Variants in NMT2 observed in about 807,000 individuals in gnomAD.
NMT2 encodes glycylpeptide N-tetradecanoyltransferase 2.
In NMT2, 35 loss-of-function variants were observed where a neutral mutation model predicts 65.4. That is an observed-to-expected ratio of 0.54 (90% confidence interval 0.41 to 0.71). The LOEUF (loss-of-function observed/expected upper bound fraction) is 0.71, where lower values mean the gene tolerates loss of function less well. Ranked by LOEUF, NMT2 falls within the 30% of genes least tolerant of loss-of-function variation. The pLI is 0.00. For missense variants in NMT2, 489 were observed against 611.3 expected (o/e 0.80, Z 2.11); for synonymous variants, 226 against 231.8 (o/e 0.98, Z 0.23).
intron 1 of NMT2, among the ~76,000 whole-genome samples, chr10:15,159,670 C>T (rs1201645172): frequency 6.6e-6 from 1 of 152,294 alleles, no homozygotes; most frequent in Non-Finnish European, 1.5e-5. Flanking sequence ...TCAGGTGATC[C>T]ACCCGCCTCG....
At chr10:15,160,271 A>C (rs1833143547) in intron 1 of NMT2, among the ~76,000 whole-genome samples, 1 of 152,138 alleles carries the variant, frequency 6.6e-6, no homozygotes, top group Non-Finnish European at 1.5e-5. Context: ...TCCTGGGAGG[A>C]GGGTGGTGAG....
At chr10:15,136,933 T>C (rs1212059363) in intron 2 of NMT2, among the ~76,000 whole-genome samples, 1 of 152,100 alleles carries the variant, frequency 6.6e-6, no homozygotes, top group African/African-American at 2.4e-5. Flanking sequence ...AATCAATGAC[T>C]TTTTTCAATA....
At chr10:15,114,306 C>T (rs1845671714) in intron 9 of NMT2, among the ~76,000 whole-genome samples, 1 of 152,194 alleles carries the variant, frequency 6.6e-6, no homozygotes, top group Non-Finnish European at 1.5e-5. Flanking sequence ...AAAACTACTT[C>T]TTCACATTCA....
rs1845392849 is a variant in NMT2 at position 15,108,484 on chromosome 10, C to T, written c.*711G>A. The T allele has an allele frequency of 1.0e-6, 1 of 985,406 alleles. No individual in the cohort carries two copies. The highest frequency in any genetic ancestry group is 1.2e-6 in the Non-Finnish European group (1 of 830,016). The allele number at this position is 985,406 out of a possible 1,614,324, so 61.0% of individuals were successfully genotyped here. ...ACAGGCGTGAGCCACCACGCCCGGCCTCAGGCTCTTTCAGAGAGCACAGTG... is the reference window on the plus strand; with the variant it reads ...ACAGGCGTGAGCCACCACGCCCGGCTTCAGGCTCTTTCAGAGAGCACAGTG... On this transcript the variant is annotated 3_prime_UTR_variant, in exon 12 of 12. Transcript: ENST00000378165.
chr10:15,140,992 G>A lies in NMT2; in HGVS notation c.246+430C>T, dbSNP rs184655109. The A allele has an allele frequency of 2.2e-4, 336 of 1,550,808 alleles. 4 individuals carry two copies. In the East Asian group the frequency reaches 6.8e-3, roughly 31 times the overall value. ...AAAGTCAACGAGAGACTTACCCATG[G>A]CTGCTCCCGCTGAAATCTGCTGCCA... is the stretch of plus-strand genomic sequence containing the variant. On this transcript the variant is annotated intron_variant, in intron 2 of 11. Transcript: ENST00000378165.
intron 10 of NMT2, among the ~76,000 whole-genome samples, chr10:15,112,216 ATTTTTTTTTTTTTTTTTTTTTTTTTTT>A (rs869310724): frequency 8.2e-5 from 1 of 12,256 alleles, no homozygotes; most frequent in Non-Finnish European, 1.4e-4. Context: ...ATATATATAT[ATTTTTTTTTTTTTTTTTTTTTTTTTTT>A]TTTTTTTTGA....
chr10:15,130,728 GAAAAGAAAGA>G (rs1846253081), intron 6 of NMT2, among the ~76,000 whole-genome samples: 2 of 93,170 alleles, frequency 2.1e-5, no homozygotes, highest in African/African-American at 8.5e-5. Context: ...AAAAAAAAAA[GAAAAGAAAGA>G]AAAAGAAAAA....
chr10:15,138,207 C>T (rs1040930473), intron 2 of NMT2, among the ~76,000 whole-genome samples: 4 of 152,024 alleles, frequency 2.6e-5, no homozygotes, highest in African/African-American at 9.7e-5. Flanking sequence ...GACAGGGTTT[C>T]ACCATGTCGG....
chr10:15,134,598 G>T (rs1208326222), intron 3 of NMT2, among the ~76,000 whole-genome samples: 1 of 152,100 alleles, frequency 6.6e-6, no homozygotes, highest in Non-Finnish European at 1.5e-5. Context: ...ACTATGCCTG[G>T]CATTTAATAA....
chr10:15,110,233 A>G (rs771002063), intron 10 of NMT2, among the ~76,000 whole-genome samples: 1 of 151,394 alleles, frequency 6.6e-6, no homozygotes, highest in Non-Finnish European at 1.5e-5. Context: ...AGATTGTGCC[A>G]CGGCACTCCA....
intron 1 of NMT2, among the ~76,000 whole-genome samples, chr10:15,143,792 C>T (rs1846860480): frequency 1.3e-5 from 2 of 152,078 alleles, no homozygotes; most frequent in Non-Finnish European, 2.9e-5. Flanking sequence ...GCCTGGGAGG[C>T]TGCAGTGAGC....
Position 15,115,660 on chromosome 10 carries a change from G to C in NMT2, c.1171-2697C>G, listed in dbSNP as rs543350632. On this transcript the variant is annotated intron_variant, in intron 9 of 11. Transcript: ENST00000378165. ...ACCAATCAAAAGAAACATCAGTAGT[G>C]TGGGTAAAGAAACATGACCCAGCTA... is the stretch of plus-strand genomic sequence containing the variant. Among the ~76,000 whole-genome samples the C allele has an allele frequency of 4.6e-5, 7 of 152,286 alleles. No individual in the cohort carries two copies. The East Asian group carries it at 1.2e-3, about 25-fold the overall frequency.
chr10:15,138,004 C>CT (rs374744946), intron 2 of NMT2, among the ~76,000 whole-genome samples: 22,415 of 127,904 alleles, frequency 0.18, 1,849 homozygotes, highest in Non-Finnish European at 0.21. Context: ...TCTTCTTCTT[C>CT]TTTTTTTTTT....
chr10:15,160,849 G>A (rs1833164043), intron 1 of NMT2, among the ~76,000 whole-genome samples: 1 of 151,416 alleles, frequency 6.6e-6, no homozygotes, highest in South Asian at 2.1e-4. Context: ...AGAACAACAG[G>A]GAAAAAATGC....
intron 9 of NMT2, among the ~76,000 whole-genome samples, chr10:15,118,075 A>C (rs1039628209): frequency 3.9e-5 from 6 of 152,240 alleles, no homozygotes; most frequent in Non-Finnish European, 8.8e-5. Context: ...CTTGACAAAC[A>C]AGAATAAAGT....
chr10:15,133,456 A>C, intron 3 of NMT2, 93 bp from the exon 4 acceptor site: 1 of 964,496 alleles, frequency 1.0e-6, no homozygotes, highest in Non-Finnish European at 1.7e-6. Flanking sequence ...CAGTGACATA[A>C]GCAAAATCTG....
intron 1 of NMT2, among the ~76,000 whole-genome samples, chr10:15,157,937 T>C (rs1833055860): frequency 6.6e-6 from 1 of 152,162 alleles, no homozygotes; most frequent in Non-Finnish European, 1.5e-5. Flanking sequence ...AAAGCTAAGT[T>C]TGAATTTGAG....
chr10:15,144,450 G>A (rs768096056), intron 1 of NMT2, among the ~76,000 whole-genome samples: 16 of 152,264 alleles, frequency 1.1e-4, no homozygotes, highest in Middle Eastern at 3.4e-3. Flanking sequence ...GAAAAAGCCA[G>A]GCCAGGTGCA....
At chr10:15,134,446 G>A (rs1466234611) in intron 3 of NMT2, among the ~76,000 whole-genome samples, 1 of 152,176 alleles carries the variant, frequency 6.6e-6, no homozygotes, top group Non-Finnish European at 1.5e-5. Flanking sequence ...ATTCCCGACA[G>A]AAGCTTACGC....
Sources: allele counts gnomAD v4.1 joint callset (sites outside exome capture counted in the v4.1 genomes callset), GRCh38; gene constraint gnomAD v4.1.1; transcripts MANE v1.5; gene names NCBI Gene and HGNC (gene_info 2026-07-23, HGNC 2026-07-21).